Variants in PTPRN2 observed in about 807,000 individuals in gnomAD.
The protein encoded by PTPRN2 is protein tyrosine phosphatase receptor type N2, also known as receptor-type tyrosine-protein phosphatase N2.
PTPRN2 carries 74 observed loss-of-function variants against 118.8 expected under a neutral mutation model. The ratio of observed to expected loss-of-function variants is 0.62; its 90% CI spans 0.52 to 0.76. The LOEUF (loss-of-function observed/expected upper bound fraction) is 0.76, where lower values mean the gene tolerates loss of function less well. Among genes scored for constraint, PTPRN2 ranks in the 30% least tolerant of loss-of-function variants. PTPRN2 has a pLI of 0.00. For synonymous variants in PTPRN2, 641 were observed against 608.0 expected (o/e 1.05, Z -0.80); for missense variants, 1,481 against 1,394.4 (o/e 1.06, Z -0.99).
At chr7:158,072,009 G>A (rs1273699058) in intron 11 of PTPRN2, among the ~76,000 whole-genome samples, 5 of 105,456 alleles carry the variant, frequency 4.7e-5, no homozygotes, top group South Asian at 4.4e-4. Context: ...GGAGGTGCTC[G>A]TCGTATGGAG....
chr7:158,372,579 T>TC (rs1195572990), intron 2 of PTPRN2, among the ~76,000 whole-genome samples: 1 of 142,110 alleles, frequency 7.0e-6, no homozygotes, highest in Non-Finnish European at 1.5e-5. Context: ...CTGGAGCTGG[T>TC]CCCCCCAACA....
At chr7:158,561,558 A>G (rs1035800165) in intron 1 of PTPRN2, among the ~76,000 whole-genome samples, 1 of 152,212 alleles carries the variant, frequency 6.6e-6, no homozygotes, top group Non-Finnish European at 1.5e-5. Context: ...CTGATAATTC[A>G]TTGGCTTCTG....
intron 3 of PTPRN2, among the ~76,000 whole-genome samples, chr7:158,208,871 C>T (rs540641764): frequency 4.0e-4 from 61 of 151,946 alleles, no homozygotes; most frequent in African/African-American, 1.3e-3. Flanking sequence ...TAAATAGAAA[C>T]AACAAAAAGT....
intron 12 of PTPRN2, among the ~76,000 whole-genome samples, chr7:157,723,679 A>G (rs1799370383): frequency 6.6e-6 from 1 of 152,296 alleles, no homozygotes; most frequent in South Asian, 2.1e-4. Context: ...GCAGATGTTA[A>G]ACGTGAGGCT....
At chr7:157,699,813 T>C (rs1797979780) in intron 12 of PTPRN2, among the ~76,000 whole-genome samples, 1 of 152,202 alleles carries the variant, frequency 6.6e-6, no homozygotes, top group African/African-American at 2.4e-5. Context: ...CAGGATTCCA[T>C]GTGACTCACC....
rs1804514640 is a variant in PTPRN2, at chr7:157,994,537, CCTT to C, written c.1723+86758_1723+86760del. The stretch of plus-strand genomic sequence containing the variant: ...AGCACCGCATCCCCAGCTTACAGCT[CCTT>C]GTTCCTAAAATCAGCACCGCGTCCC... On this transcript the variant is annotated intron_variant, in intron 11 of 22. Coordinates refer to ENST00000389418, the MANE Select transcript of PTPRN2 (RefSeq NM_002847.5). 1.2e-4 allele frequency among the ~76,000 whole-genome samples: 9 copies of C among 78,062 alleles called. No homozygotes were observed. In the Admixed American group the frequency reaches 1.3e-3, roughly 11 times the overall value. The allele number at this position is 78,062 out of a possible 152,430, so 51.2% of individuals were successfully genotyped here. A position where few individuals can be genotyped will look rare whatever the true frequency, so the allele number is the denominator to read the frequency against.
At chr7:158,011,877 T>C (rs4716530) in intron 11 of PTPRN2, among the ~76,000 whole-genome samples, 127,383 of 152,214 alleles carry the variant, frequency 0.84, 53,416 homozygotes, top group Non-Finnish European at 0.87. Context: ...GGTCATAGAT[T>C]GTTATTTTAC....
At chr7:157,721,357 C>T (rs1799221289) in intron 12 of PTPRN2, among the ~76,000 whole-genome samples, 1 of 152,190 alleles carries the variant, frequency 6.6e-6, no homozygotes. Flanking sequence ...GTGCCATGTT[C>T]GCATCATGAG....
At chr7:157,788,878 G>A (rs1804251740) in intron 12 of PTPRN2, among the ~76,000 whole-genome samples, 1 of 152,230 alleles carries the variant, frequency 6.6e-6, no homozygotes. Flanking sequence ...CTATGCTGGA[G>A]GCCGCTGGAA....
rs926066001 is a variant in PTPRN2 at position 157,784,783 on chromosome 7, CCT to C, written c.1789-101848_1789-101847del. On this transcript the variant is annotated intron_variant, in intron 12 of 22. Transcript: ENST00000389418. This position sits in a 1 kb window ranked among gnomAD's most constrained non-coding sequence, Gnocchi z 4.6. ...CCGCAAACCCTGACCCCACACCCGG[CCT>C]CTCTGCAGCTAATGGAAGGAAATGA... 6.6e-6 allele frequency among the ~76,000 whole-genome samples: 1 copy of C among 152,138 alleles called. No homozygotes were observed. The highest frequency in any genetic ancestry group is 1.5e-5 in the Non-Finnish European group (1 of 68,034).
At chr7:158,310,831 C>T (rs1041980877) in intron 3 of PTPRN2, among the ~76,000 whole-genome samples, 1 of 149,038 alleles carries the variant, frequency 6.7e-6, no homozygotes, top group African/African-American at 2.5e-5. Context: ...AGCCCTGAGC[C>T]GGACAGAGCG....
chr7:157,563,464 C>T (rs541515806), intron 21 of PTPRN2, among the ~76,000 whole-genome samples: 2 of 109,752 alleles, frequency 1.8e-5, no homozygotes, highest in African/African-American at 7.7e-5. Context: ...ATCAGGACCA[C>T]GTGCTCCCAC....
At position 157,990,766 on chromosome 7, in the gene PTPRN2, G is replaced by A. The variant is rs898863229; in HGVS notation, c.1723+90532C>T. 2.6e-5 allele frequency among the ~76,000 whole-genome samples: 4 copies of A among 152,178 alleles called. No individual in the cohort carries two copies. The highest frequency in any genetic ancestry group is 1.3e-4 in the Admixed American group (2 of 15,288). ...TGGACTAGGACACTGGAATGTCACC[G>A]AGCTTCCCTCCGATACAGTGGGAGG... On this transcript the variant is annotated intron_variant, in intron 11 of 22. Transcript: ENST00000389418. This position sits in a 1 kb window ranked among gnomAD's most constrained non-coding sequence, Gnocchi z 4.3.
intron 2 of PTPRN2, among the ~76,000 whole-genome samples, chr7:158,488,138 A>T (rs1821161498): frequency 6.6e-6 from 1 of 152,094 alleles, no homozygotes; most frequent in Admixed American, 6.5e-5. Context: ...ATTAAATTAA[A>T]CACACACACC....
At chr7:157,544,824 C>G (rs112460153) in intron 22 of PTPRN2, among the ~76,000 whole-genome samples, 16 of 152,026 alleles carry the variant, frequency 1.1e-4, no homozygotes, top group Non-Finnish European at 1.5e-4. Context: ...TGTGTGCACA[C>G]GGGAATGTGT....
chr7:157,774,855 T>C (rs906700178), intron 12 of PTPRN2, among the ~76,000 whole-genome samples: 1 of 152,178 alleles, frequency 6.6e-6, no homozygotes, highest in Admixed American at 6.5e-5. Flanking sequence ...AGGCTTCCTC[T>C]AGAGGAACCA....
At chr7:158,478,736 G>T (rs1210470384) in intron 2 of PTPRN2, among the ~76,000 whole-genome samples, 2 of 152,088 alleles carry the variant, frequency 1.3e-5, no homozygotes, top group South Asian at 2.1e-4. Context: ...ATAAAAGTGG[G>T]CTCTGACTTG....
intron 15 of PTPRN2, among the ~76,000 whole-genome samples, chr7:157,613,559 C>T (rs1267758286): frequency 1.3e-5 from 2 of 152,200 alleles, no homozygotes; most frequent in Admixed American, 6.5e-5. Flanking sequence ...AGGGCGGGCT[C>T]CTCGCTGAGC....
At chr7:157,775,336 C>A (rs577529745) in intron 12 of PTPRN2, among the ~76,000 whole-genome samples, 2 of 152,360 alleles carry the variant, frequency 1.3e-5, no homozygotes, top group East Asian at 3.9e-4. Context: ...AGTGGCCAGG[C>A]TACCTCACCT....
Sources: allele counts gnomAD v4.1 joint callset (sites outside exome capture counted in the v4.1 genomes callset), GRCh38; gene constraint gnomAD v4.1.1; non-coding constraint Gnocchi (gnomAD v3.1); transcripts MANE v1.5; gene names NCBI Gene and HGNC (gene_info 2026-07-23, HGNC 2026-07-21).